The following JAM3 variants were observed in gnomAD, a reference collection of about 807,000 sequenced individuals.
JAM3 encodes junctional adhesion molecule C.
JAM3 carries 31 observed loss-of-function variants against 39.4 expected under a neutral mutation model. The observed-to-expected ratio is 0.79, with a 90% CI of 0.59 to 1.06. The LOEUF (loss-of-function observed/expected upper bound fraction) is 1.06, where lower values mean the gene tolerates loss of function less well. JAM3 is among the 50% of genes least tolerant of loss of function. The pLI is 0.00. For missense variants in JAM3, 455 were observed against 391.4 expected (o/e 1.16, Z -1.37); for synonymous variants, 182 against 148.7 (o/e 1.22, Z -1.63).
chr11:134,148,387 C>T (rs1943118200), intron 6 of JAM3, 160 bp from the exon 7 acceptor site: 1 of 788,658 alleles, frequency 1.3e-6, no homozygotes. Context: ...ATGTTCTAGG[C>T]TAGAAGGATT....
At chr11:134,070,137 G>C in intron 1 of JAM3, 1 of 456,230 alleles carries the variant, frequency 2.2e-6, no homozygotes, top group Admixed American at 2.3e-5. Context: ...CCTTTCAGCA[G>C]CTCTGTGAGA....
chr11:134,125,006 A>G (rs1942617599), intron 1 of JAM3, among the ~76,000 whole-genome samples: 2 of 152,190 alleles, frequency 1.3e-5, no homozygotes, highest in South Asian at 4.1e-4. Flanking sequence ...CCCCAGCCTC[A>G]GCGCGCGACA....
At chr11:134,138,700 C>G (rs965232464) in intron 1 of JAM3, among the ~76,000 whole-genome samples, 3 of 152,254 alleles carry the variant, frequency 2.0e-5, no homozygotes, top group Admixed American at 1.3e-4. Context: ...ATTATCTTCA[C>G]TTGTCCTTTG....
chr11:134,122,300 C>T (rs1942548885), intron 1 of JAM3, among the ~76,000 whole-genome samples: 1 of 152,136 alleles, frequency 6.6e-6, no homozygotes, highest in Non-Finnish European at 1.5e-5. Flanking sequence ...GATAAGATGA[C>T]TTTAAGCCTG....
At chr11:134,123,907 T>C in intron 1 of JAM3, 1 of 1,084,494 alleles carries the variant, frequency 9.2e-7, no homozygotes, top group Non-Finnish European at 1.4e-6. Context: ...AGCAGCTGTT[T>C]GGAATTGAAG....
At chr11:134,119,845 G>C (rs943552399) in intron 1 of JAM3, among the ~76,000 whole-genome samples, 4 of 152,054 alleles carry the variant, frequency 2.6e-5, no homozygotes, top group Non-Finnish European at 4.4e-5. Flanking sequence ...TACTTGGTTG[G>C]GTCTTTTTGT....
intron 1 of JAM3, among the ~76,000 whole-genome samples, chr11:134,106,991 C>G (rs891046850): frequency 2.0e-5 from 3 of 152,158 alleles, no homozygotes; most frequent in African/African-American, 7.2e-5. Context: ...GGTATATACC[C>G]AAAGGATTAT....
chr11:134,135,193 TTTGAC>T (rs1398647199), intron 1 of JAM3, among the ~76,000 whole-genome samples: 1 of 152,246 alleles, frequency 6.6e-6, no homozygotes, highest in African/African-American at 2.4e-5. Flanking sequence ...AATTTCTGTA[TTTGAC>T]TTAATATAAG....
intron 1 of JAM3, chr11:134,124,147 G>A: frequency 6.8e-7 from 1 of 1,464,410 alleles, no homozygotes; most frequent in Non-Finnish European, 9.6e-7. Flanking sequence ...TCTAGAAGGT[G>A]GATTCCTTCT....
chr11:134,137,189 A>T (rs1942882573), intron 1 of JAM3, among the ~76,000 whole-genome samples: 1 of 152,046 alleles, frequency 6.6e-6, no homozygotes, highest in Non-Finnish European at 1.5e-5. Context: ...AGAAGTGACG[A>T]TTGCCATTAT....
At chr11:134,143,296 C>T (rs1009541101) in intron 3 of JAM3, among the ~76,000 whole-genome samples, 21 of 152,172 alleles carry the variant, frequency 1.4e-4, no homozygotes, top group East Asian at 1.9e-4. Flanking sequence ...TTGGAAGCGG[C>T]GTCTTGTGGA....
At chr11:134,112,921 AG>A (rs1486790274) in intron 1 of JAM3, among the ~76,000 whole-genome samples, 1 of 152,178 alleles carries the variant, frequency 6.6e-6, no homozygotes, top group Non-Finnish European at 1.5e-5. Context: ...CCAAAGAGAA[AG>A]TTATATATGC....
At chr11:134,142,624 T>C (rs1942997378) in intron 3 of JAM3, among the ~76,000 whole-genome samples, 1 of 152,214 alleles carries the variant, frequency 6.6e-6, no homozygotes, top group Non-Finnish European at 1.5e-5. Flanking sequence ...AAAATGTTTT[T>C]TTATGGAGCT....
At chr11:134,094,389 C>T (rs913243973) in intron 1 of JAM3, among the ~76,000 whole-genome samples, 15 of 139,346 alleles carry the variant, frequency 1.1e-4, no homozygotes, top group Non-Finnish European at 2.0e-4. Flanking sequence ...CCTGAACCCT[C>T]CTTATTCATC....
At chr11:134,139,770 C>T (rs571177511) in intron 1 of JAM3, 81 bp from the exon 2 acceptor site, 105 of 1,062,962 alleles carry the variant, frequency 9.9e-5, no homozygotes, top group African/African-American at 9.5e-4. Context: ...CCTACGCAGA[C>T]GGGAAAACCT....
intron 1 of JAM3, among the ~76,000 whole-genome samples, chr11:134,126,004 C>T (rs764297110): frequency 7.9e-5 from 12 of 152,308 alleles, no homozygotes; most frequent in Non-Finnish European, 1.5e-4. Context: ...AAAGGTCTCA[C>T]TTTCCTCTGT....
intron 1 of JAM3, among the ~76,000 whole-genome samples, chr11:134,104,945 C>T (rs1398953512): frequency 6.6e-6 from 1 of 152,142 alleles, no homozygotes; most frequent in Non-Finnish European, 1.5e-5. Flanking sequence ...GAGCTGGTAC[C>T]ATTCCTTCTG....
intron 1 of JAM3, among the ~76,000 whole-genome samples, chr11:134,137,021 G>T (rs1296509110): frequency 6.6e-6 from 1 of 151,864 alleles, no homozygotes; most frequent in African/African-American, 2.4e-5. Flanking sequence ...GCTGAGGCAG[G>T]AGAATGGTGT....
At chr11:134,114,210 T>C (rs1008737614) in intron 1 of JAM3, among the ~76,000 whole-genome samples, 3 of 152,230 alleles carry the variant, frequency 2.0e-5, no homozygotes, top group African/African-American at 7.2e-5. Flanking sequence ...TAGATCCCAT[T>C]TGTCAATTTT....
Sources: gnomAD v4.1 joint callset for allele counts (sites outside exome capture counted in the v4.1 genomes callset) on GRCh38, gnomAD v4.1.1 for gene constraint, MANE v1.5 for transcripts, NCBI Gene and HGNC (gene_info 2026-07-23, HGNC 2026-07-21) for gene names.